Variants in RPL28 observed in about 807,000 individuals in gnomAD.
RPL28 encodes the protein ribosomal protein L28, also known as large ribosomal subunit protein eL28.
A neutral mutation model predicts 12.5 loss-of-function variants in RPL28; 4 were observed. The ratio of observed to expected loss-of-function variants is 0.32; its 90% CI spans 0.16 to 0.73. RPL28 has a LOEUF of 0.73. RPL28 is among the 30% of genes least tolerant of loss of function. The pLI, the probability that RPL28 is intolerant of heterozygous loss-of-function variation, is 0.66. For synonymous variants in RPL28, 91 were observed against 72.5 expected (o/e 1.26, Z -1.30); for missense variants, 214 against 197.7 (o/e 1.08, Z -0.49).
In RPL28 at chr19:55,388,910, A is replaced by C. The variant is rs1321803479; in HGVS notation, c.*578A>C. ...GTGGTGGCTTATAACTGTAAGGGAGATGGCAGCCCCAGGGTACAGCCAGCA... is the reference window on the plus strand; with the variant it reads ...GTGGTGGCTTATAACTGTAAGGGAGCTGGCAGCCCCAGGGTACAGCCAGCA... On this transcript the variant is annotated 3_prime_UTR_variant, in exon 5 of 5. Transcript: ENST00000344063. The C allele has an allele frequency of 1.0e-6, 1 of 985,450 alleles. No individual in the cohort carries two copies. The highest frequency in any genetic ancestry group is 6.2e-5 in the Admixed American group (1 of 16,250). 61.0% of individuals were successfully genotyped at this position (985,450 alleles called of 1,614,324 possible).
intron 3 of RPL28, 174 bp from the exon 4 acceptor site, chr19:55,387,749 ATGACGAG>A: frequency 6.9e-7 from 1 of 1,451,990 alleles, no homozygotes; most frequent in Non-Finnish European, 9.0e-7. Context: ...GTACTCCGTG[ATGACGAG>A]TGAGCCTCTG....
chr19:55,388,396 T>C lies in RPL28; in HGVS notation c.*64T>C. ...TCACCTGCCTCGACTGGGCCTCCCTTTTTGAAACGCTCTGGGGAGCTCTGG... is the reference window on the plus strand; with the variant it reads ...TCACCTGCCTCGACTGGGCCTCCCTCTTTGAAACGCTCTGGGGAGCTCTGG... On this transcript the variant is annotated 3_prime_UTR_variant, in exon 5 of 5. Transcript: ENST00000344063. 2 of 1,428,470 alleles carry C rather than the reference T, an allele frequency of 1.4e-6. No individual in the cohort carries two copies. Among genetic ancestry groups the C allele is most frequent in the Non-Finnish European group, 1.8e-6 (2 of 1,087,674 alleles). 88.5% of individuals were successfully genotyped at this position (1,428,470 alleles called of 1,614,324 possible).
At chr19:55,395,661 T>A (rs935752358), downstream of RPL28, among the ~76,000 whole-genome samples, 2 of 149,876 alleles carry the variant, frequency 1.3e-5, no homozygotes, top group Non-Finnish European at 3.0e-5. Flanking sequence ...GCCAGGATGG[T>A]CTCAATCTCC....
downstream of RPL28, among the ~76,000 whole-genome samples, chr19:55,394,523 A>G (rs2123294596): frequency 6.6e-6 from 1 of 152,266 alleles, no homozygotes; most frequent in Middle Eastern, 3.4e-3. Context: ...GGCCTCTAAA[A>G]GTGCTGGGAT....
chr19:55,386,516 T>G (rs572516699), intron 2 of RPL28, 54 bp from the exon 3 acceptor site: 2 of 1,598,852 alleles, frequency 1.3e-6, no homozygotes, highest in African/African-American at 2.7e-5. Flanking sequence ...GGGCGGGACC[T>G]TCGCATGTCT....
At position 55,402,748 on chromosome 19, in the gene RPL28, G is replaced by A. The variant is rs2077745919; in HGVS notation, c.325-195G>A. On this transcript the variant is annotated intron_variant, in intron 4 of 4. Transcript: ENST00000560055. ...GCAGCAAGTAGGCCTGGAGCTCGGT[G>A]CCAATGTCCCCAGCAGCCTCCAATG... Among the ~76,000 whole-genome samples, 4 of 152,162 alleles carry A rather than the reference G, an allele frequency of 2.6e-5. No individual in the cohort carries two copies. The South Asian group carries it at 8.3e-4, about 31-fold the overall frequency.
downstream of RPL28, among the ~76,000 whole-genome samples, chr19:55,392,464 C>T (rs2089997441): frequency 6.6e-6 from 1 of 152,004 alleles, no homozygotes; most frequent in South Asian, 2.1e-4. Flanking sequence ...AAGTCCTGGG[C>T]ACAAGCAATC....
At chr19:55,393,011 A>G (rs2090000832), downstream of RPL28, among the ~76,000 whole-genome samples, 1 of 151,866 alleles carries the variant, frequency 6.6e-6, no homozygotes, top group Non-Finnish European at 1.5e-5. Flanking sequence ...CTCAATGGCT[A>G]ATCCCCCAGA....
Position 55,401,619 on chromosome 19 carries a change from G to A in RPL28, c.325-1324G>A, listed in dbSNP as rs748838927. On this transcript the variant is annotated intron_variant, in intron 4 of 4. Transcript: ENST00000560055. ...GGGCCCGACCGGCTTCGGCCCTGCCGCTGGGCCCGCCGGCGCCCCCGTGGA... is the reference window on the plus strand; with the variant it reads ...GGGCCCGACCGGCTTCGGCCCTGCCACTGGGCCCGCCGGCGCCCCCGTGGA... 2.1e-5 allele frequency: 33 copies of A among 1,605,322 alleles called. 1 individual carries two copies. Among genetic ancestry groups the A allele is most frequent in the Admixed American group, 3.4e-5 (2 of 58,856 alleles).
intron 3 of RPL28, chr19:55,387,246 T>G: frequency 6.5e-7 from 1 of 1,537,678 alleles, no homozygotes; most frequent in Non-Finnish European, 8.8e-7. Flanking sequence ...GGAGTCCAGC[T>G]TCACATGTGT....
chr19:55,400,797 GA>G (rs2090051415), intron 4 of RPL28: 1 of 152,766 alleles, frequency 6.5e-6, no homozygotes, highest in South Asian at 2.1e-4. Flanking sequence ...CTGTTGTGCA[GA>G]AATACATGTG....
Position 55,391,682 on chromosome 19 carries a change from A to G in RPL28, c.*3350A>G. Reference sequence around the variant, plus strand: ...TGCGTGTCGATAGACCCTACTACTCAGGGTTGATGAGAAGATTAAATGTGC... The same window carrying G: ...TGCGTGTCGATAGACCCTACTACTCGGGGTTGATGAGAAGATTAAATGTGC... On this transcript the variant is annotated 3_prime_UTR_variant, in exon 5 of 5. Transcript: ENST00000344063. 1.3e-6 allele frequency: 2 copies of G among 1,540,132 alleles called. No homozygotes were observed. Among genetic ancestry groups the G allele is most frequent in the East Asian group, 4.9e-5 (2 of 40,626 alleles).
intron 4 of RPL28, chr19:55,401,507 C>T: frequency 6.2e-7 from 1 of 1,610,126 alleles, no homozygotes; most frequent in East Asian, 2.2e-5. Context: ...CGCTCGCCAG[C>T]ATGCTTCTTG....
At chr19:55,395,655 G>A (rs974765549), downstream of RPL28, among the ~76,000 whole-genome samples, 3 of 149,206 alleles carry the variant, frequency 2.0e-5, no homozygotes, top group African/African-American at 2.5e-5. Context: ...GTGTTAGCCA[G>A]GATGGTCTCA....
Position 55,385,940 on chromosome 19 carries a change from G to T in RPL28, c.-34G>T. 1 of 233,762 alleles carries T rather than the reference G, an allele frequency of 4.3e-6. No individual in the cohort carries two copies. Among genetic ancestry groups the T allele is most frequent in the Non-Finnish European group, 8.9e-6 (1 of 112,686 alleles). 14.5% of individuals were successfully genotyped at this position (233,762 alleles called of 1,614,324 possible). Reference sequence around the variant, plus strand: ...CCTCGCCCCTCGCCTTCCTCTTTCCGTCTCAGGTCGCCGCTGCGAAGGGAG... The same window carrying T: ...CCTCGCCCCTCGCCTTCCTCTTTCCTTCTCAGGTCGCCGCTGCGAAGGGAG... On this transcript the variant is annotated 5_prime_UTR_variant, in exon 1 of 5. Coordinates refer to ENST00000344063, the MANE Select transcript of RPL28 (RefSeq NM_000991.5).
Position 55,391,532 on chromosome 19 carries a change from C to A in RPL28, c.*3200C>A. On this transcript the variant is annotated 3_prime_UTR_variant, in exon 5 of 5. Transcript: ENST00000344063. The stretch of plus-strand genomic sequence containing the variant: ...TCCCCACAGCAGCAGAGACTCGGGA[C>A]TGAGGCATCCTCTGTTCACAGGACA... 6.7e-7 allele frequency: 1 copy of A among 1,501,350 alleles called. No homozygotes were observed. The highest frequency in any genetic ancestry group is 9.0e-7 in the Non-Finnish European group (1 of 1,112,512). The allele number at this position is 1,501,350 out of a possible 1,614,324, so 93.0% of individuals were successfully genotyped here. A position where few individuals can be genotyped will look rare whatever the true frequency, so the allele number is the denominator to read the frequency against.
intron 4 of RPL28, chr19:55,399,644 T>C (rs1378366165): frequency 6.6e-6 from 1 of 152,178 alleles, no homozygotes; most frequent in African/African-American, 2.4e-5. Flanking sequence ...ACCCCCTTCC[T>C]GAAGCTACGC....
At chr19:55,395,645 G>T (rs182458978), downstream of RPL28, among the ~76,000 whole-genome samples, 3 of 150,064 alleles carry the variant, frequency 2.0e-5, no homozygotes, top group East Asian at 2.0e-4. Context: ...GGGTTTCACT[G>T]TGTTAGCCAG....
At chr19:55,396,794 A>G (rs182631758), downstream of RPL28, among the ~76,000 whole-genome samples, 2 of 149,066 alleles carry the variant, frequency 1.3e-5, no homozygotes, top group Admixed American at 6.8e-5. Context: ...GTTAGCCAGG[A>G]TGTTCTCGAT....
Sources: allele counts gnomAD v4.1 joint callset (sites outside exome capture counted in the v4.1 genomes callset), GRCh38; gene constraint gnomAD v4.1.1; transcripts MANE v1.5; gene names NCBI Gene and HGNC (gene_info 2026-07-23, HGNC 2026-07-21).